The following CDH4 variants were observed in gnomAD, a reference collection of about 807,000 sequenced individuals.
The protein encoded by CDH4 is cadherin 4.
CDH4 carries 33 observed loss-of-function variants against 86.0 expected under a neutral mutation model. The ratio of observed to expected loss-of-function variants is 0.38; its 90% CI spans 0.29 to 0.51. The LOEUF (loss-of-function observed/expected upper bound fraction) is 0.51, where lower values mean the gene tolerates loss of function less well. Ranked by LOEUF, CDH4 falls within the 20% of genes least tolerant of loss-of-function variation. CDH4 has a pLI of 0.86. For synonymous variants in CDH4, 555 were observed against 549.4 expected (o/e 1.01, Z -0.14); for missense variants, 1,114 against 1,307.4 (o/e 0.85, Z 2.28).
rs144542669 is a variant in CDH4, at chr20:61,326,573, T to C, written c.169+71636T>C. Among the ~76,000 whole-genome samples, 5 of 152,304 alleles carry C rather than the reference T, an allele frequency of 3.3e-5. No individual in the cohort carries two copies. The East Asian group carries it at 9.7e-4, about 29-fold the overall frequency. Reference sequence around the variant, plus strand: ...AATCAAACTAGCCTTAAAATTACACTGTATGGAATTCCATTCTTCCTTGAT... The same window carrying C: ...AATCAAACTAGCCTTAAAATTACACCGTATGGAATTCCATTCTTCCTTGAT... On this transcript the variant is annotated intron_variant, in intron 2 of 15. Coordinates refer to ENST00000614565, the MANE Select transcript of CDH4 (RefSeq NM_001794.5).
intron 7 of CDH4, 86 bp from the exon 8 acceptor site, chr20:61,894,824 G>T: frequency 6.9e-7 from 1 of 1,447,328 alleles, no homozygotes. Flanking sequence ...CTCCGTTCCT[G>T]TAAACGGATT....
chr20:61,691,870 CTA>C (rs112284728), intron 2 of CDH4, among the ~76,000 whole-genome samples: 13,090 of 152,222 alleles, frequency 0.086, 725 homozygotes, highest in East Asian at 0.16. Context: ...GCACACCTGT[CTA>C]TGTGTGTATG....
In CDH4 at chr20:61,676,392, G is replaced by C. The variant is rs540073668; in HGVS notation, c.170-67171G>C. ...TCCATTCCAATTTGGATCTTCCAAG[G>C]CATCCATCTTTACCTGAAAAAGAAG... On this transcript the variant is annotated intron_variant, in intron 2 of 15. Coordinates refer to ENST00000614565, the MANE Select transcript of CDH4 (RefSeq NM_001794.5). The surrounding 1 kb of genome is among the most constrained non-coding windows in gnomAD (Gnocchi z 4.5). 6.6e-6 allele frequency among the ~76,000 whole-genome samples: 1 copy of C among 152,192 alleles called. No individual in the cohort carries two copies. Among genetic ancestry groups the C allele is most frequent in the Non-Finnish European group, 1.5e-5 (1 of 68,022 alleles).
At chr20:61,289,602 A>C (rs2084311087) in intron 2 of CDH4, among the ~76,000 whole-genome samples, 1 of 152,170 alleles carries the variant, frequency 6.6e-6, no homozygotes, top group African/African-American at 2.4e-5. Flanking sequence ...TGGATTAAAG[A>C]GCCCTTTGAG....
intron 2 of CDH4, among the ~76,000 whole-genome samples, chr20:61,528,680 AGAG>A (rs2085930658): frequency 2.0e-5 from 3 of 152,196 alleles, no homozygotes; most frequent in African/African-American, 7.2e-5. Flanking sequence ...GAGGGGGAGA[AGAG>A]GAGACCAAAG....
At chr20:61,570,067 T>TA (rs2086330587) in intron 2 of CDH4, 1 of 152,538 alleles carries the variant, frequency 6.6e-6, no homozygotes, top group African/African-American at 2.4e-5. Context: ...ATGGCGCCGT[T>TA]ACGCATGGGG....
chr20:61,490,901 G>A (rs2085622594), intron 2 of CDH4, among the ~76,000 whole-genome samples: 1 of 152,140 alleles, frequency 6.6e-6, no homozygotes, highest in African/African-American at 2.4e-5. Context: ...GTGCTGATAA[G>A]GATGGTTGAG....
intron 2 of CDH4, among the ~76,000 whole-genome samples, chr20:61,616,939 A>AG (rs1196246940): frequency 1.3e-5 from 2 of 150,582 alleles, no homozygotes; most frequent in African/African-American, 4.9e-5. Flanking sequence ...TGCTGGGTGG[A>AG]GGGGGGTGAC....
chr20:61,472,816 AT>A (rs1241334515), intron 2 of CDH4, among the ~76,000 whole-genome samples: 1 of 152,186 alleles, frequency 6.6e-6, no homozygotes, highest in Non-Finnish European at 1.5e-5. Context: ...TGTATGTAGA[AT>A]TTTACACAGG....
In CDH4 at chr20:61,929,712, G is replaced by C. The variant is rs763770858; in HGVS notation, c.2109G>C (p.Thr703=). 3 of 1,614,160 alleles carry C rather than the reference G, an allele frequency of 1.9e-6. No individual in the cohort carries two copies. In the East Asian group the frequency reaches 6.7e-5, roughly 36 times the overall value. ...TDSGNPPLSN[T]SIIKVKVCPC... ...CTGGAAACCCTCCCCTGTCCAACAC[G>C]TCCATCATCAAAGTCAAGGTGTGCC... The change falls in exon 13 of 16, where the codon ACG becomes ACC. Residue 703 remains threonine, a synonymous_variant. Transcript: ENST00000614565.
At chr20:61,610,946 A>G (rs2145759108) in intron 2 of CDH4, among the ~76,000 whole-genome samples, 1 of 151,196 alleles carries the variant, frequency 6.6e-6, no homozygotes, top group South Asian at 2.1e-4. Context: ...AATGCTGGCC[A>G]GGGCTCAGAA....
At chr20:61,287,005 A>G (rs978995447) in intron 2 of CDH4, among the ~76,000 whole-genome samples, 1 of 152,228 alleles carries the variant, frequency 6.6e-6, no homozygotes, top group Non-Finnish European at 1.5e-5. Flanking sequence ...CAGGTGTCTC[A>G]GTGGGACACG....
chr20:61,894,135 A>C (rs1984986319), intron 7 of CDH4, among the ~76,000 whole-genome samples: 1 of 152,128 alleles, frequency 6.6e-6, no homozygotes, highest in African/African-American at 2.4e-5. Context: ...GGAGCTGCCC[A>C]CAAGCCTGTC....
chr20:61,284,634 A>G (rs1377930613), intron 2 of CDH4, among the ~76,000 whole-genome samples: 6 of 152,348 alleles, frequency 3.9e-5, no homozygotes, highest in Admixed American at 2.0e-4. Flanking sequence ...TGCGCCGGAC[A>G]GAGGTGCTGG....
intron 6 of CDH4, among the ~76,000 whole-genome samples, chr20:61,871,262 T>A (rs1455169545): frequency 6.6e-6 from 1 of 152,226 alleles, no homozygotes; most frequent in Non-Finnish European, 1.5e-5. Flanking sequence ...GAAAGTTTTT[T>A]TCACTGAATA....
At chr20:61,456,219 T>C (rs1463432821) in intron 2 of CDH4, among the ~76,000 whole-genome samples, 1 of 152,196 alleles carries the variant, frequency 6.6e-6, no homozygotes, top group African/African-American at 2.4e-5. Context: ...GCCCAGCATT[T>C]GTACTGAGTT....
Position 61,316,924 on chromosome 20 carries a change from G to A in CDH4, c.169+61987G>A, listed in dbSNP as rs183605433. ...GGGTCCTCCAGCCTCCCTCAGGTGC[G>A]TGCAGCCTCTGTACCTGAACGTCTG... is the stretch of plus-strand genomic sequence containing the variant. On this transcript the variant is annotated intron_variant, in intron 2 of 15. Transcript: ENST00000614565. Among the ~76,000 whole-genome samples the A allele has an allele frequency of 3.1e-4, 47 of 152,286 alleles. No individual in the cohort carries two copies. The Middle Eastern group carries it at 0.01, about 33-fold the overall frequency.
At chr20:61,821,880 C>T (rs371640731) in intron 4 of CDH4, among the ~76,000 whole-genome samples, 1 of 152,212 alleles carries the variant, frequency 6.6e-6, no homozygotes, top group African/African-American at 2.4e-5. Context: ...AGTAACACAC[C>T]CTGTGGTTCT....
chr20:61,331,618 GGCCC>G (rs2084575412), intron 2 of CDH4, among the ~76,000 whole-genome samples: 55 of 99,010 alleles, frequency 5.6e-4, no homozygotes, highest in African/African-American at 1.3e-3. Context: ...ACCTGCCCCA[GGCCC>G]ACCTCCTGCC....
Sources: allele counts gnomAD v4.1 joint callset (sites outside exome capture counted in the v4.1 genomes callset), GRCh38; gene constraint gnomAD v4.1.1; non-coding constraint Gnocchi (gnomAD v3.1); transcripts MANE v1.5; gene names NCBI Gene and HGNC (gene_info 2026-07-23, HGNC 2026-07-21).